The following ANKS1B variants were observed in gnomAD, a reference collection of about 807,000 sequenced individuals.
The protein encoded by ANKS1B is ankyrin repeat and sterile alpha motif domain-containing protein 1B.
In ANKS1B, 36 loss-of-function variants were observed where a neutral mutation model predicts 148.3. The ratio of observed to expected loss-of-function variants is 0.24; its 90% CI spans 0.19 to 0.32. The LOEUF is 0.32. Ranked by LOEUF, ANKS1B falls within the 10% of genes least tolerant of loss-of-function variation. ANKS1B has a pLI of 1.00. For synonymous variants in ANKS1B, 542 were observed against 560.8 expected (o/e 0.97, Z 0.47); for missense variants, 1,157 against 1,542.6 (o/e 0.75, Z 4.19).
chr12:98,836,108 A>G (rs1484216182), intron 17 of ANKS1B, among the ~76,000 whole-genome samples: 1 of 152,104 alleles, frequency 6.6e-6, no homozygotes, highest in African/African-American at 2.4e-5. Flanking sequence ...CCAGCCCTTC[A>G]CTACTCTCCT....
Position 98,885,355 on chromosome 12 carries a change from T to G in ANKS1B, c.2779-53219A>C, listed in dbSNP as rs75768341. Among the ~76,000 whole-genome samples the G allele has an allele frequency of 8.5e-3, 1,299 of 152,330 alleles. 20 individuals carry two copies. The highest frequency in any genetic ancestry group is 0.03 in the African/African-American group (1,243 of 41,574). Reference sequence around the variant, plus strand: ...CTAAAGAGACACAGTGTTCCTTGGTTCTTAACCCTGTGTTCAACCCTAGAG... The same window carrying G: ...CTAAAGAGACACAGTGTTCCTTGGTGCTTAACCCTGTGTTCAACCCTAGAG... On this transcript the variant is annotated intron_variant, in intron 17 of 26. Transcript: ENST00000683438.
chr12:99,143,360 T>C (rs1266236966), intron 15 of ANKS1B, among the ~76,000 whole-genome samples: 2 of 152,076 alleles, frequency 1.3e-5, no homozygotes, highest in Non-Finnish European at 2.9e-5. Flanking sequence ...CAGTTACTAT[T>C]TTAGATCATA....
At chr12:99,134,645 T>TCACACACA (rs4016023) in intron 15 of ANKS1B, among the ~76,000 whole-genome samples, 30 of 105,104 alleles carry the variant, frequency 2.9e-4, no homozygotes, top group South Asian at 1.4e-3. Flanking sequence ...TCTCTCTCTC[T>TCACACACA]CACACACACA....
chr12:99,763,341 C>T (rs2062336238), intron 8 of ANKS1B, among the ~76,000 whole-genome samples: 2 of 152,250 alleles, frequency 1.3e-5, no homozygotes, highest in East Asian at 3.9e-4. Flanking sequence ...TCCTTTGCAG[C>T]AACATGGATG....
intron 10 of ANKS1B, among the ~76,000 whole-genome samples, chr12:99,486,712 C>T (rs141179523): frequency 8.5e-5 from 13 of 152,216 alleles, no homozygotes; most frequent in African/African-American, 2.2e-4. Flanking sequence ...ACCTCAGCTC[C>T]CCTGTCAGGT....
intron 26 of ANKS1B, among the ~76,000 whole-genome samples, chr12:98,747,796 A>C (rs1411464942): frequency 6.6e-6 from 1 of 152,260 alleles, no homozygotes; most frequent in African/African-American, 2.4e-5. Flanking sequence ...AGATCCTGTC[A>C]TTTGCAGCAA....
chr12:99,913,704 G>T (rs573057150), intron 1 of ANKS1B, among the ~76,000 whole-genome samples: 4 of 151,860 alleles, frequency 2.6e-5, no homozygotes, highest in African/African-American at 9.7e-5. Context: ...TGGGAGTAAC[G>T]CAATTAAGAA....
chr12:99,399,865 C>T (rs866740795), intron 11 of ANKS1B, 54 bp from the exon 12 acceptor site: 1 of 1,544,984 alleles, frequency 6.5e-7, no homozygotes, highest in South Asian at 1.1e-5. Context: ...CATCTTCAGC[C>T]CAATCTCCCC....
downstream of ANKS1B, among the ~76,000 whole-genome samples, chr12:98,741,463 G>A (rs531411671): frequency 6.6e-6 from 1 of 152,108 alleles, no homozygotes; most frequent in South Asian, 2.1e-4. Flanking sequence ...AAAACCCAAC[G>A]ATTTTGCGTG....
At chr12:99,528,445 A>AC (rs1555472986) in intron 9 of ANKS1B, among the ~76,000 whole-genome samples, 1 of 146,472 alleles carries the variant, frequency 6.8e-6, no homozygotes, top group Non-Finnish European at 1.5e-5. Context: ...AAAAAAAAAC[A>AC]AAAAAAAAAC....
intron 12 of ANKS1B, among the ~76,000 whole-genome samples, chr12:99,377,070 C>T (rs986106808): frequency 3.3e-5 from 5 of 151,534 alleles, no homozygotes; most frequent in African/African-American, 4.9e-5. Flanking sequence ...TGCCGTGGTG[C>T]GATCTTGGCC....
At chr12:99,897,947 G>C (rs1490505560) in intron 1 of ANKS1B, among the ~76,000 whole-genome samples, 1 of 142,018 alleles carries the variant, frequency 7.0e-6, no homozygotes, top group Non-Finnish European at 1.6e-5. Flanking sequence ...ATAAGATTAA[G>C]TAGGTGAAAC....
rs11313441 is a variant in ANKS1B, at chr12:98,944,302, C to CAAAAAAAAA, written c.2778+108846_2778+108854dup. Among the ~76,000 whole-genome samples, 16 of 88,010 alleles carry CAAAAAAAAA rather than the reference C, an allele frequency of 1.8e-4. 1 individual carries two copies. Among genetic ancestry groups the CAAAAAAAAA allele is most frequent in the South Asian group, 4.7e-4 (1 of 2,112 alleles). 57.7% of individuals were successfully genotyped at this position (88,010 alleles called of 152,430 possible). On this transcript the variant is annotated intron_variant, in intron 17 of 26. Coordinates refer to ENST00000683438, the MANE Select transcript of ANKS1B (RefSeq NM_001352186.2). Reference sequence around the variant, plus strand: ...GTGACAAGAGCGAAACTCCACCTCACAAAAAAAAAAAAAAAAAAAGCCTAG... The same window carrying CAAAAAAAAA: ...GTGACAAGAGCGAAACTCCACCTCACAAAAAAAAAAAAAAAAAAAAAAAAAAAAGCCTAG...
intron 17 of ANKS1B, among the ~76,000 whole-genome samples, chr12:98,851,550 C>G (rs372134033): frequency 9.2e-5 from 14 of 152,168 alleles, no homozygotes; most frequent in African/African-American, 2.9e-4. Flanking sequence ...GTGTGAGTAG[C>G]AGGACTGGGG....
At chr12:99,909,217 C>CGT (rs60264932) in intron 1 of ANKS1B, among the ~76,000 whole-genome samples, 1,667 of 137,300 alleles carry the variant, frequency 0.012, 13 homozygotes, top group Middle Eastern at 0.018. Flanking sequence ...AATATTCCAT[C>CGT]GTGTGTGTGT....
intron 10 of ANKS1B, among the ~76,000 whole-genome samples, chr12:99,448,671 AC>A (rs1026481427): frequency 3.3e-5 from 5 of 152,138 alleles, no homozygotes; most frequent in African/African-American, 1.2e-4. Flanking sequence ...AGCTTGTTGT[AC>A]ACAATAAGTA....
intron 2 of ANKS1B, among the ~76,000 whole-genome samples, chr12:99,819,219 G>A (rs926490832): frequency 6.6e-6 from 1 of 151,756 alleles, no homozygotes; most frequent in Non-Finnish European, 1.5e-5. Flanking sequence ...AGGACAATAC[G>A]TCCCATTTTC....
At chr12:98,791,802 T>C (rs933054088) in intron 22 of ANKS1B, among the ~76,000 whole-genome samples, 4 of 152,242 alleles carry the variant, frequency 2.6e-5, no homozygotes, top group Admixed American at 6.5e-5. Context: ...CTTGAAGTTA[T>C]ATCTGAAAAT....
At chr12:98,975,635 G>A (rs1171072977) in intron 17 of ANKS1B, among the ~76,000 whole-genome samples, 1 of 152,152 alleles carries the variant, frequency 6.6e-6, no homozygotes, top group Non-Finnish European at 1.5e-5. Flanking sequence ...GTCACAGGGA[G>A]CATTTTTGTT....
Sources: allele counts gnomAD v4.1 joint callset (sites outside exome capture counted in the v4.1 genomes callset), GRCh38; gene constraint gnomAD v4.1.1; transcripts MANE v1.5; gene names NCBI Gene and HGNC (gene_info 2026-07-23, HGNC 2026-07-21).